The following CWC27 variants were observed in gnomAD, a reference collection of about 807,000 sequenced individuals.
CWC27 encodes CWC27 spliceosome associated cyclophilin.
In CWC27, 47 loss-of-function variants were observed where a neutral mutation model predicts 63.6. The ratio of observed to expected loss-of-function variants is 0.74; its 90% CI spans 0.58 to 0.94. The LOEUF is 0.94. Among genes scored for constraint, CWC27 ranks in the 40% least tolerant of loss-of-function variants. CWC27 has a pLI of 0.00. For missense variants in CWC27, 495 were observed against 554.3 expected (o/e 0.89, Z 1.07); for synonymous variants, 175 against 179.8 (o/e 0.97, Z 0.22).
At chr5:64,951,185 C>A (rs751433527) in intron 11 of CWC27, among the ~76,000 whole-genome samples, 3 of 151,806 alleles carry the variant, frequency 2.0e-5, no homozygotes, top group African/African-American at 7.2e-5. Flanking sequence ...CTTTGCACTC[C>A]CTCTGGCAAT....
At chr5:64,871,348 T>C (rs1746671441) in intron 10 of CWC27, among the ~76,000 whole-genome samples, 1 of 152,040 alleles carries the variant, frequency 6.6e-6, no homozygotes, top group Non-Finnish European at 1.5e-5. Flanking sequence ...TGCATCAGTA[T>C]TGAGAGTCCA....
At chr5:64,882,498 A>G (rs1441239227) in intron 10 of CWC27, among the ~76,000 whole-genome samples, 1 of 152,242 alleles carries the variant, frequency 6.6e-6, no homozygotes, top group Non-Finnish European at 1.5e-5. Context: ...AGTGTTGAAT[A>G]TCACATTAAT....
intron 13 of CWC27, among the ~76,000 whole-genome samples, chr5:64,980,901 G>A (rs955049011): frequency 2.0e-5 from 3 of 152,160 alleles, no homozygotes; most frequent in Admixed American, 2.0e-4. Context: ...AGACCAGCCT[G>A]GCCAACATGG....
intron 7 of CWC27, among the ~76,000 whole-genome samples, chr5:64,797,269 C>T (rs146612672): frequency 5.9e-5 from 9 of 152,058 alleles, no homozygotes; most frequent in South Asian, 4.2e-4. Flanking sequence ...TGTTACTTGA[C>T]GGTATAAATA....
chr5:64,835,085 G>A lies in CWC27; in HGVS notation c.938+30699G>A, dbSNP rs137924561. Among the ~76,000 whole-genome samples, 220 of 151,464 alleles carry A rather than the reference G, an allele frequency of 1.5e-3. 2 individuals are homozygous for A. The highest frequency in any genetic ancestry group is 4.9e-3 in the African/African-American group (202 of 41,366). On this transcript the variant is annotated intron_variant, in intron 10 of 13. Transcript: ENST00000381070. ...TTTTATAAAAAATATTTTTTCTTAC[G>A]GGTTTTACATTTATAAGGGTAATTT...
intron 11 of CWC27, among the ~76,000 whole-genome samples, chr5:64,940,162 T>C (rs1748445094): frequency 6.6e-6 from 1 of 151,826 alleles, no homozygotes; most frequent in South Asian, 2.1e-4. Flanking sequence ...GCCACTGGGG[T>C]ATGAAAAAAA....
At chr5:64,891,794 T>TGTC (rs1473762041) in intron 11 of CWC27, among the ~76,000 whole-genome samples, 3 of 151,654 alleles carry the variant, frequency 2.0e-5, no homozygotes, top group African/African-American at 7.3e-5. Flanking sequence ...TTGTTGTTGT[T>TGTC]GTTGTTGTTG....
At chr5:64,859,341 C>T (rs1191788965) in intron 10 of CWC27, among the ~76,000 whole-genome samples, 2 of 151,908 alleles carry the variant, frequency 1.3e-5, no homozygotes, top group Non-Finnish European at 2.9e-5. Context: ...AAAAAACATT[C>T]TAGGAGGTTG....
Position 64,769,078 on chromosome 5 carries a change from G to A in CWC27, c.-69G>A. 7.6e-7 allele frequency: 1 copy of A among 1,315,228 alleles called. No individual in the cohort carries two copies. Among genetic ancestry groups the A allele is most frequent in the Non-Finnish European group, 1.1e-6 (1 of 911,882 alleles). 81.5% of individuals were successfully genotyped at this position (1,315,228 alleles called of 1,614,324 possible). On this transcript the variant is annotated 5_prime_UTR_variant, in exon 1 of 14. Coordinates refer to ENST00000381070, the MANE Select transcript of CWC27 (RefSeq NM_005869.4). Reference sequence around the variant, plus strand: ...CTTAAGGAAGAGTGTACTCGTAGGCGGACAGCTTTAGTGGCCGGCCGGCCG... The same window carrying A: ...CTTAAGGAAGAGTGTACTCGTAGGCAGACAGCTTTAGTGGCCGGCCGGCCG...
intron 10 of CWC27, among the ~76,000 whole-genome samples, chr5:64,861,335 T>G (rs1746407903): frequency 1.3e-5 from 2 of 151,556 alleles, no homozygotes; most frequent in Admixed American, 6.6e-5. Context: ...CCAAATCAGA[T>G]ATATATATAT....
intron 10 of CWC27, among the ~76,000 whole-genome samples, chr5:64,811,071 T>C (rs989152533): frequency 2.0e-5 from 3 of 152,096 alleles, no homozygotes; most frequent in Non-Finnish European, 2.9e-5. Context: ...GAACAAGCTG[T>C]TCATAAATTT....
intron 7 of CWC27, among the ~76,000 whole-genome samples, chr5:64,798,251 T>C (rs75864629): frequency 1.2e-3 from 188 of 152,302 alleles, no homozygotes; most frequent in African/African-American, 4.4e-3. Flanking sequence ...TAGGCAATGT[T>C]TCTGAGGTCT....
chr5:64,934,869 T>C (rs1429585256), intron 11 of CWC27, among the ~76,000 whole-genome samples: 4 of 152,256 alleles, frequency 2.6e-5, no homozygotes, highest in African/African-American at 9.6e-5. Context: ...ATGAGCTTTT[T>C]TTCATATGTT....
In CWC27 at chr5:64,803,449, A is replaced by G. The variant is rs563402668; in HGVS notation, c.781-780A>G. 7.2e-5 allele frequency among the ~76,000 whole-genome samples: 11 copies of G among 152,326 alleles called. No homozygotes were observed. The East Asian group carries it at 2.1e-3, about 29-fold the overall frequency. On this transcript the variant is annotated intron_variant, in intron 9 of 13. Coordinates refer to ENST00000381070, the MANE Select transcript of CWC27 (RefSeq NM_005869.4). ...GATGACAGACAATACACATGCAAAT[A>G]ATTAAAATATATGGTGTATCAGATA...
intron 11 of CWC27, among the ~76,000 whole-genome samples, chr5:64,940,030 C>T (rs1459023458): frequency 1.3e-5 from 2 of 152,202 alleles, no homozygotes; most frequent in Non-Finnish European, 2.9e-5. Context: ...AATTTCAAGC[C>T]GGTAAATCGT....
At chr5:64,770,495 C>T (rs1743212351) in intron 1 of CWC27, among the ~76,000 whole-genome samples, 1 of 152,176 alleles carries the variant, frequency 6.6e-6, no homozygotes, top group African/African-American at 2.4e-5. Flanking sequence ...AGCAAAGAGC[C>T]CTTTCTTATC....
At chr5:64,905,988 T>A (rs565412470) in intron 11 of CWC27, among the ~76,000 whole-genome samples, 24 of 151,116 alleles carry the variant, frequency 1.6e-4, no homozygotes, top group Non-Finnish European at 2.9e-4. Flanking sequence ...TTCATCCATG[T>A]CCCTGCAAAG....
chr5:64,809,013 C>T (rs955912119), intron 10 of CWC27, among the ~76,000 whole-genome samples: 3 of 152,122 alleles, frequency 2.0e-5, no homozygotes, highest in Admixed American at 1.3e-4. Flanking sequence ...TTTTTACAAA[C>T]TAAATATATC....
At chr5:64,992,837 T>C (rs925477131) in intron 13 of CWC27, among the ~76,000 whole-genome samples, 18 of 152,166 alleles carry the variant, frequency 1.2e-4, no homozygotes, top group African/African-American at 4.1e-4. Flanking sequence ...CCTGCCACTT[T>C]CTACACTTTT....
Sources: allele counts gnomAD v4.1 joint callset (sites outside exome capture counted in the v4.1 genomes callset), GRCh38; gene constraint gnomAD v4.1.1; transcripts MANE v1.5; gene names NCBI Gene and HGNC (gene_info 2026-07-23, HGNC 2026-07-21).